Variants in ANKRD36C observed in about 807,000 individuals in gnomAD.
ANKRD36C encodes ankyrin repeat domain 36C.
In ANKRD36C, 61 loss-of-function variants were observed where a neutral mutation model predicts 276.4. The observed-to-expected ratio is 0.22, with a 90% confidence interval of 0.18 to 0.27. ANKRD36C has a LOEUF of 0.27. Ranked by LOEUF, ANKRD36C falls within the 10% of genes least tolerant of loss-of-function variation. The pLI, the probability that ANKRD36C is intolerant of heterozygous loss-of-function variation, is 1.00. For synonymous variants in ANKRD36C, 483 were observed against 680.1 expected (o/e 0.71, Z 4.51); for missense variants, 1,447 against 2,032.3 (o/e 0.71, Z 5.54).
chr2:95,855,276 GCTTT>G lies in ANKRD36C; in HGVS notation c.4981_4984del (p.Lys1661GlnfsTer5). On this transcript the variant is annotated frameshift_variant, in exon 63 of 67. Coordinates refer to ENST00000456556, the Ensembl canonical transcript of ANKRD36C. LOFTEE classifies it high-confidence loss of function. ...TTTCTTGATACTTACTTCTCTTTCT[GCTTT>G]CTCTTTTTCATATTGGCATTTTTTT... 6.3e-7 allele frequency: 1 copy of G among 1,586,598 alleles called. No homozygotes were observed. The highest frequency in any genetic ancestry group is 8.5e-7 in the Non-Finnish European group (1 of 1,169,710).
At position 95,857,806 on chromosome 2, in the gene ANKRD36C, C is replaced by G. The variant is rs1313625194; in HGVS notation, c.3897-314G>C. 1.3e-4 allele frequency among the ~76,000 whole-genome samples: 19 copies of G among 146,360 alleles called. No homozygotes were observed. The Admixed American group carries it at 1.3e-3, about 10-fold the overall frequency. ...AGAACCCCCTTTCCCCTTTGTTTTC[C>G]TTCCTTTCTATGCAGATCCAGGGGA... On this transcript the variant is annotated intron_variant, in intron 61 of 66. Coordinates refer to ENST00000456556, the Ensembl canonical transcript of ANKRD36C.
In ANKRD36C at chr2:95,919,752, A is replaced by G. The variant is rs1205721124; in HGVS notation, c.2246-1710T>C. 46 of 1,381,868 alleles carry G rather than the reference A, an allele frequency of 3.3e-5. 11 individuals carry two copies. The East Asian group carries it at 5.9e-4, about 18-fold the overall frequency. 85.6% of individuals were successfully genotyped at this position (1,381,868 alleles called of 1,614,324 possible). ...AATTACCTGTCTCAGATTTTTCTCCATCCTTTATTTCTGTGGCTATATTCA... is the reference window on the plus strand; with the variant it reads ...AATTACCTGTCTCAGATTTTTCTCCGTCCTTTATTTCTGTGGCTATATTCA... On this transcript the variant is annotated intron_variant, in intron 34 of 66. Coordinates refer to ENST00000456556, the Ensembl canonical transcript of ANKRD36C.
At chr2:95,887,844 C>A in intron 50 of ANKRD36C, 81 bp downstream of exon 70, 4 of 1,506,474 alleles carry the variant, frequency 2.7e-6, no homozygotes, top group East Asian at 4.9e-5. Flanking sequence ...TTTTGATGAG[C>A]CCCGCACTGA....
At chr2:95,872,916 G>T (rs1293205552) in intron 59 of ANKRD36C, among the ~76,000 whole-genome samples, 2 of 152,164 alleles carry the variant, frequency 1.3e-5, no homozygotes, top group African/African-American at 4.8e-5. Context: ...AGAAAATCTA[G>T]AAGAAATGGA....
intron 16 of ANKRD36C, among the ~76,000 whole-genome samples, chr2:95,949,160 C>G (rs1166175227): frequency 1.3e-5 from 2 of 152,138 alleles, no homozygotes; most frequent in African/African-American, 2.4e-5. Flanking sequence ...AGGGAACCCC[C>G]TGAAAAACTG....
chr2:95,978,989 T>C (rs1462231253), intron 5 of ANKRD36C, among the ~76,000 whole-genome samples: 1 of 152,032 alleles, frequency 6.6e-6, no homozygotes, highest in East Asian at 1.9e-4. Context: ...TGATGGTTCA[T>C]CTCCATCAGT....
intron 6 of ANKRD36C, among the ~76,000 whole-genome samples, chr2:95,976,891 C>T (rs995647113): frequency 1.3e-5 from 2 of 151,892 alleles, no homozygotes; most frequent in African/African-American, 4.8e-5. Context: ...CCTCTGACTC[C>T]TCTCCTACTT....
intron 6 of ANKRD36C, among the ~76,000 whole-genome samples, chr2:95,977,467 A>G (rs531320536): frequency 4.6e-5 from 7 of 152,176 alleles, no homozygotes; most frequent in Non-Finnish European, 1.0e-4. Flanking sequence ...CGGGCAAGAA[A>G]AAGACCAACA....
chr2:95,962,112 T>C (rs1678474029), intron 8 of ANKRD36C, among the ~76,000 whole-genome samples: 1 of 152,044 alleles, frequency 6.6e-6, no homozygotes, highest in Non-Finnish European at 1.5e-5. Flanking sequence ...TGTTATATCT[T>C]GCACTGCTCT....
At chr2:95,921,488 G>A (rs968041992) in intron 34 of ANKRD36C, 119 bp downstream of exon 34, 8 of 1,375,434 alleles carry the variant, frequency 5.8e-6, no homozygotes, top group Non-Finnish European at 7.9e-6. Context: ...CAGGCCTACT[G>A]AATCAGAATG....
chr2:95,910,731 C>G (rs1317258735), intron 42 of ANKRD36C, among the ~76,000 whole-genome samples, 163 bp from the exon 45 acceptor site: 1 of 151,404 alleles, frequency 6.6e-6, no homozygotes, highest in African/African-American at 2.4e-5. Flanking sequence ...CAGAAGTACA[C>G]TGAGAAAAGG....
intron 24 of ANKRD36C, among the ~76,000 whole-genome samples, chr2:95,932,714 C>T (rs1437061021): frequency 6.6e-6 from 1 of 152,310 alleles, no homozygotes; most frequent in Non-Finnish European, 1.5e-5. Flanking sequence ...TTACTTTCTT[C>T]ATTTTTGAAA....
intron 44 of ANKRD36C, among the ~76,000 whole-genome samples, chr2:95,896,149 G>A (rs996130177): frequency 5.4e-5 from 8 of 148,146 alleles, no homozygotes; most frequent in African/African-American, 1.8e-4. Context: ...ATACCTAGTA[G>A]ATAATATTCA....
chr2:95,890,855 C>T (rs1013105456), intron 46 of ANKRD36C, among the ~76,000 whole-genome samples: 2 of 151,344 alleles, frequency 1.3e-5, no homozygotes, highest in Non-Finnish European at 3.0e-5. Context: ...TTTGGGAGGA[C>T]CATGTTATTC....
At chr2:95,977,864 T>C (rs931380487) in intron 6 of ANKRD36C, among the ~76,000 whole-genome samples, 7 of 152,122 alleles carry the variant, frequency 4.6e-5, no homozygotes, top group Non-Finnish European at 4.4e-5. Flanking sequence ...AAAATTTGTT[T>C]TCTTATTTAC....
In ANKRD36C at chr2:95,919,357, T is replaced by C. The variant is rs181035137; in HGVS notation, c.2246-1315A>G. Among the ~76,000 whole-genome samples, 2 of 133,846 alleles carry C rather than the reference T, an allele frequency of 1.5e-5. 1 individual carries two copies. Among genetic ancestry groups the C allele is most frequent in the African/African-American group, 5.0e-5 (2 of 39,690 alleles). 87.8% of individuals were successfully genotyped at this position (133,846 alleles called of 152,430 possible). On this transcript the variant is annotated intron_variant, in intron 34 of 66. Coordinates refer to ENST00000456556, the Ensembl canonical transcript of ANKRD36C. Reference sequence around the variant, plus strand: ...ATTAATATCAGTTTTCTGTCTTTTCTTAGCAGTACGATGTGACGTCTGTAA... The same window carrying C: ...ATTAATATCAGTTTTCTGTCTTTTCCTAGCAGTACGATGTGACGTCTGTAA...
intron 6 of ANKRD36C, among the ~76,000 whole-genome samples, chr2:95,965,454 C>T (rs1207639495): frequency 6.6e-6 from 1 of 152,130 alleles, no homozygotes; most frequent in Non-Finnish European, 1.5e-5. Flanking sequence ...TACTGTCATT[C>T]TCTGAAAAGC....
chr2:95,986,077 C>T (rs1237668915), intron 3 of ANKRD36C, among the ~76,000 whole-genome samples: 1 of 152,190 alleles, frequency 6.6e-6, no homozygotes, highest in African/African-American at 2.4e-5. Context: ...AATTTCACAA[C>T]TCACAAACTC....
At chr2:95,888,162 T>C (rs769022715) in intron 48 of ANKRD36C, 42 bp from the exon 69 acceptor site, 6 of 1,606,674 alleles carry the variant, frequency 3.7e-6, no homozygotes, top group Non-Finnish European at 5.1e-6. Context: ...TATGTAAATA[T>C]GATAAAGTTA....
Sources: gnomAD v4.1 joint callset for allele counts (sites outside exome capture counted in the v4.1 genomes callset) on GRCh38, gnomAD v4.1.1 for gene constraint, MANE v1.5 for transcripts, NCBI Gene and HGNC (gene_info 2026-07-23, HGNC 2026-07-21) for gene names.